The following ALK variants were observed in gnomAD, a reference collection of about 807,000 sequenced individuals.
ALK encodes ALK tyrosine kinase receptor.
Under a neutral mutation model 163.1 loss-of-function variants are expected in ALK, and 74 were observed. The ratio of observed to expected loss-of-function variants is 0.45; its 90% CI spans 0.38 to 0.55. The LOEUF is 0.55. Ranked by LOEUF, ALK falls within the 20% of genes least tolerant of loss-of-function variation. ALK has a pLI of 0.00. For synonymous variants in ALK, 960 were observed against 843.2 expected, an observed-to-expected ratio of 1.14 and a Z score of -2.40; for missense variants, 2,063 against 2,105.3, an observed-to-expected ratio of 0.98 and a Z score of 0.39.
At chr2:29,280,496 G>T (rs1180385221) in intron 9 of ALK, among the ~76,000 whole-genome samples, 1 of 151,820 alleles carries the variant, frequency 6.6e-6, no homozygotes, top group Non-Finnish European at 1.5e-5. Context: ...TCCATTCTGG[G>T]ACTGACGGAA....
At chr2:29,676,067 T>C (rs1055880653) in intron 3 of ALK, among the ~76,000 whole-genome samples, 1 of 151,978 alleles carries the variant, frequency 6.6e-6, no homozygotes, top group African/African-American at 2.4e-5. Flanking sequence ...TTATTATTGA[T>C]TTGTAAGAGT....
At position 29,858,424 on chromosome 2, in the gene ALK, A is replaced by G. The variant is rs542423972; in HGVS notation, c.667+61569T>C. Among the ~76,000 whole-genome samples, 12 of 152,200 alleles carry G rather than the reference A, an allele frequency of 7.9e-5. No homozygotes were observed. The East Asian group carries it at 2.1e-3, about 27-fold the overall frequency. ...CGCACAGCATCTCCTATGCTCTGAC[A>G]GGAGGTTACATGGACAAAAGGTCTG... On this transcript the variant is annotated intron_variant, in intron 1 of 28. Coordinates refer to ENST00000389048, the MANE Select transcript of ALK (RefSeq NM_004304.5).
chr2:29,205,494 G>T (rs562837792), intron 26 of ALK, among the ~76,000 whole-genome samples: 2 of 152,314 alleles, frequency 1.3e-5, no homozygotes, highest in African/African-American at 4.8e-5. Flanking sequence ...AGTTCTGAAG[G>T]CCGGACATCT....
Position 29,200,634 on chromosome 2 carries a change from T to G in ALK, c.3939-2958A>C, listed in dbSNP as rs978120697. Reference sequence around the variant, plus strand: ...ATCTATATTTTGTATGCCAGATGGTTCTTTCATCACCTATAAGCCTGCCCT... The same window carrying G: ...ATCTATATTTTGTATGCCAGATGGTGCTTTCATCACCTATAAGCCTGCCCT... On this transcript the variant is annotated intron_variant, in intron 26 of 28. Transcript: ENST00000389048. Among the ~76,000 whole-genome samples, 24 of 147,886 alleles carry G rather than the reference T, an allele frequency of 1.6e-4. 1 individual carries two copies. In the Admixed American group the frequency reaches 1.6e-3, roughly 10 times the overall value.
intron 4 of ALK, among the ~76,000 whole-genome samples, chr2:29,477,988 CCTGAGT>C (rs1477774493): frequency 6.6e-6 from 1 of 152,206 alleles, no homozygotes; most frequent in Non-Finnish European, 1.5e-5. Flanking sequence ...AGACTATTTT[CCTGAGT>C]CTGAGTTCAG....
At chr2:29,627,975 T>C (rs1676245088) in intron 3 of ALK, among the ~76,000 whole-genome samples, 1 of 152,100 alleles carries the variant, frequency 6.6e-6, no homozygotes, top group African/African-American at 2.4e-5. Flanking sequence ...GCTTGGGAAA[T>C]AACATTAATT....
chr2:29,714,639 C>G (rs1679196625), intron 2 of ALK, among the ~76,000 whole-genome samples: 2 of 152,208 alleles, frequency 1.3e-5, no homozygotes, highest in Non-Finnish European at 2.9e-5. Context: ...GACAGCCAAC[C>G]AAGCGTGGAC....
intron 3 of ALK, among the ~76,000 whole-genome samples, chr2:29,591,485 C>T (rs1221755623): frequency 2.0e-5 from 3 of 152,048 alleles, no homozygotes; most frequent in Non-Finnish European, 4.4e-5. Context: ...CCCAGTCACA[C>T]CCCAGGGCCG....
chr2:29,884,645 T>C (rs1399585951), intron 1 of ALK, among the ~76,000 whole-genome samples: 1 of 152,178 alleles, frequency 6.6e-6, no homozygotes. Context: ...AGTTATTATG[T>C]AACAACTTAG....
chr2:29,413,944 C>T (rs1012439558), intron 4 of ALK, among the ~76,000 whole-genome samples: 13 of 152,160 alleles, frequency 8.5e-5, no homozygotes, highest in African/African-American at 2.7e-4. Flanking sequence ...GGATTACAGG[C>T]GTGAGCCATC....
intron 3 of ALK, among the ~76,000 whole-genome samples, chr2:29,648,114 G>T (rs764964969): frequency 3.3e-5 from 5 of 152,098 alleles, no homozygotes; most frequent in African/African-American, 4.8e-5. Context: ...TTCTCTGCAC[G>T]CTGTTTTGCA....
At chr2:29,906,521 A>G (rs974559254) in intron 1 of ALK, among the ~76,000 whole-genome samples, 10 of 152,200 alleles carry the variant, frequency 6.6e-5, no homozygotes, top group African/African-American at 2.4e-4. Flanking sequence ...CAAATGTTTG[A>G]AGGACCCTCA....
At position 29,444,104 on chromosome 2, in the gene ALK, T is replaced by G. The variant is rs555745531; in HGVS notation, c.1155-60245A>C. On this transcript the variant is annotated intron_variant, in intron 4 of 28. Transcript: ENST00000389048. ...AAACTACAGTAGAGAGCAACGTGAT[T>G]GCCATTGGAATGTTTATTTAGTCTG... Among the ~76,000 whole-genome samples the G allele has an allele frequency of 2.0e-5, 3 of 152,348 alleles. No individual in the cohort carries two copies. In the East Asian group the frequency reaches 5.8e-4, roughly 29 times the overall value.
intron 3 of ALK, among the ~76,000 whole-genome samples, chr2:29,690,413 G>C (rs1258672516): frequency 6.6e-6 from 1 of 152,184 alleles, no homozygotes; most frequent in African/African-American, 2.4e-5. Context: ...GTGCCCATGA[G>C]TGAGGCCCTG....
intron 4 of ALK, among the ~76,000 whole-genome samples, chr2:29,471,365 T>C (rs1278522726): frequency 6.6e-6 from 1 of 152,212 alleles, no homozygotes; most frequent in African/African-American, 2.4e-5. Context: ...TCTCTCTTAT[T>C]AGCATAGATG....
chr2:29,383,370 G>A (rs1408934192), intron 5 of ALK, among the ~76,000 whole-genome samples: 7 of 151,550 alleles, frequency 4.6e-5, no homozygotes, highest in Admixed American at 4.6e-4. Context: ...AGGCTGGAGT[G>A]CAACGGCACA....
In ALK at chr2:29,523,933, G is replaced by T. The variant is rs1353764825; in HGVS notation, c.1154+7982C>A. Among the ~76,000 whole-genome samples, 17 of 133,014 alleles carry T rather than the reference G, an allele frequency of 1.3e-4. No individual in the cohort carries two copies. The Admixed American group carries it at 1.3e-3, about 10-fold the overall frequency. 87.3% of individuals were successfully genotyped at this position (133,014 alleles called of 152,430 possible). A position where few individuals can be genotyped will look rare whatever the true frequency, so the allele number is the denominator to read the frequency against. On this transcript the variant is annotated intron_variant, in intron 4 of 28. Coordinates refer to ENST00000389048, the MANE Select transcript of ALK (RefSeq NM_004304.5). ...GCAATCGTGAGTAAAAGTTGTACCT[G>T]CCAGGAAAGGAATTGTCCTTTGTAC... is the stretch of plus-strand genomic sequence containing the variant.
intron 9 of ALK, among the ~76,000 whole-genome samples, chr2:29,278,124 G>T (rs1023557276): frequency 6.6e-6 from 1 of 152,146 alleles, no homozygotes; most frequent in African/African-American, 2.4e-5. Context: ...ATTTAAGTTG[G>T]TTTTGAATGC....
intron 28 of ALK, 109 bp downstream of exon 28, chr2:29,196,661 A>G (rs1669030136): frequency 2.4e-6 from 2 of 849,710 alleles, no homozygotes; most frequent in Non-Finnish European, 4.1e-6. Flanking sequence ...TATTTTGATC[A>G]TAAATCTTGT....
Sources: allele counts gnomAD v4.1 joint callset (sites outside exome capture counted in the v4.1 genomes callset), GRCh38; gene constraint gnomAD v4.1.1; transcripts MANE v1.5; gene names NCBI Gene and HGNC (gene_info 2026-07-23, HGNC 2026-07-21).